Variants in ACOT9 observed in about 807,000 individuals in gnomAD.
ACOT9 encodes acyl-coenzyme A thioesterase 9, mitochondrial.
ACOT9 carries 34 observed loss-of-function variants against 39.7 expected under a neutral mutation model. The ratio of observed to expected loss-of-function variants is 0.86; its 90% CI spans 0.65 to 1.14. ACOT9 has a LOEUF of 1.14. Among genes scored for constraint, ACOT9 ranks in the 50% most tolerant of loss-of-function variants. The pLI is 0.00. For missense variants in ACOT9, 313 were observed against 344.1 expected (o/e 0.91, Z 0.71); for synonymous variants, 110 against 120.5 (o/e 0.91, Z 0.57).
At chrX:23,731,189 C>T (rs777388556) in intron 4 of ACOT9, among the ~76,000 whole-genome samples, 1 of 112,017 alleles carries the variant, frequency 8.9e-6, no homozygotes, top group Non-Finnish European at 1.9e-5. Context: ...TAAAAACATT[C>T]TTAAGGCCAG....
Position 23,722,733 on chromosome X carries a change from T to A in ACOT9, c.421A>T (p.Asn141Tyr). 1 of 1,200,675 alleles carries A rather than the reference T, an allele frequency of 8.3e-7. No homozygotes were observed. The highest frequency in any genetic ancestry group is 1.1e-6 in the Non-Finnish European group (1 of 886,964). The change falls in exon 7 of 16, where the codon AAC becomes TAC. Residue 141 changes from asparagine to tyrosine, a missense_variant. Transcript: ENST00000379303. ...GACATCTTGGCGGAGTGGATTTTGT[T>A]GTGCATGTAACAAATAAGAACTGCA... ...SLGVLICYMHNKIHSAKMSPL... is the reference protein window; with the variant it reads ...SLGVLICYMHYKIHSAKMSPL...
intron 3 of ACOT9, 70 bp from the exon 4 acceptor site, chrX:23,733,287 C>G (rs1169501782): frequency 6.3e-6 from 6 of 954,823 alleles, no homozygotes; most frequent in Non-Finnish European, 8.9e-6. Flanking sequence ...GCAATGAGCT[C>G]AAGAACTACA....
Position 23,722,744 on chromosome X carries a change from C to G in ACOT9, c.410G>C (p.Cys137Ser). ...GGAGTGGATTTTGTTGTGCATGTAA[C>G]AAATAAGAACTGCAGGGAAACAGGA... Reference protein sequence around the residue: ...EDLDSLGVLICYMHNKIHSAK... With the variant: ...EDLDSLGVLISYMHNKIHSAK... Residue 137 changes from cysteine (C) to serine (S), a missense_variant, in exon 7 of 16, where the codon TGT (cysteine) becomes TCT (serine). Coordinates refer to ENST00000379303, the MANE Select transcript of ACOT9 (RefSeq NM_001037171.2). 1 of 1,185,447 alleles carries G rather than the reference C, an allele frequency of 8.4e-7. No homozygotes were observed.
At chrX:23,742,205 T>C (rs868041756) in intron 1 of ACOT9, among the ~76,000 whole-genome samples, 2 of 65,561 alleles carry the variant, frequency 3.1e-5, no homozygotes, top group Non-Finnish European at 5.5e-5. Context: ...CCAGGAACAG[T>C]GAGTGAGTGA....
intron 9 of ACOT9, among the ~76,000 whole-genome samples, chrX:23,711,684 G>A (rs1308555466): frequency 8.9e-6 from 1 of 111,846 alleles, no homozygotes; most frequent in Non-Finnish European, 1.9e-5. Flanking sequence ...GGATGACAAA[G>A]TACACCCCTG....
intron 9 of ACOT9, among the ~76,000 whole-genome samples, chrX:23,711,664 G>A (rs1378114583): frequency 8.9e-6 from 1 of 111,835 alleles, no homozygotes; most frequent in Admixed American, 9.6e-5. Context: ...GGGAAACTCA[G>A]CTATTTGCAG....
intron 7 of ACOT9, 85 bp downstream of exon 7, chrX:23,722,585 T>C: frequency 1.5e-6 from 1 of 646,764 alleles, no homozygotes; most frequent in Non-Finnish European, 2.3e-6. Flanking sequence ...AAAATTCCCA[T>C]AAAAGGAGAG....
At chrX:23,716,928 C>T (rs759684104) in intron 8 of ACOT9, among the ~76,000 whole-genome samples, 1 of 110,805 alleles carries the variant, frequency 9.0e-6, no homozygotes, top group Non-Finnish European at 1.9e-5. Context: ...TATCTCGGCT[C>T]ACTGAAAACT....
intron 9 of ACOT9, among the ~76,000 whole-genome samples, chrX:23,711,350 AG>A (rs893967175): frequency 1.8e-5 from 2 of 112,269 alleles, no homozygotes; most frequent in African/African-American, 6.5e-5. Flanking sequence ...AAAAAAAAAA[AG>A]AAATTTAAAA....
At chrX:23,723,882 G>A (rs1929411408) in intron 6 of ACOT9, among the ~76,000 whole-genome samples, 1 of 112,117 alleles carries the variant, frequency 8.9e-6, no homozygotes, top group Non-Finnish European at 1.9e-5. Context: ...AAAAGACTAT[G>A]AGTTAAGAAG....
At chrX:23,729,332 A>G in intron 6 of ACOT9, among the ~76,000 whole-genome samples, 1 of 111,731 alleles carries the variant, frequency 9.0e-6, no homozygotes, top group East Asian at 2.8e-4. Flanking sequence ...TACACAAAAG[A>G]ACCATGTCAA....
chrX:23,739,583 A>G (rs1357766309), intron 1 of ACOT9, among the ~76,000 whole-genome samples: 2 of 111,486 alleles, frequency 1.8e-5, no homozygotes, highest in Non-Finnish European at 3.8e-5. Context: ...ACGCGGGAGG[A>G]TCACTTGAGA....
Position 23,704,760 on chromosome X carries a change from T to C in ACOT9, c.1192A>G (p.Asn398Asp), listed in dbSNP as rs779621905. Residue 398 changes from asparagine (N) to aspartate (D), a missense_variant, in exon 15 of 16, where the codon AAT becomes GAT. By Grantham distance (23) the Asn-to-Asp change is conservative. Coordinates refer to ENST00000379303, the MANE Select transcript of ACOT9 (RefSeq NM_001037171.2). ...GACATGAACGTGAAATGAAAGACAT[T>C]GGTGGTTGTATGCTGCTTCTCCTGC... ...SLQEKQHTTT[N>D]VFHFTFMSEK... 2 of 1,211,282 alleles carry C rather than the reference T, an allele frequency of 1.7e-6. No individual in the cohort carries two copies. Among genetic ancestry groups the C allele is most frequent in the Non-Finnish European group, 2.2e-6 (2 of 895,005 alleles).
chrX:23,722,135 A>G (rs752161483), intron 7 of ACOT9, 151 bp from the exon 8 acceptor site: 2 of 398,423 alleles, frequency 5.0e-6, no homozygotes, highest in South Asian at 1.1e-4. Flanking sequence ...AGAAATCTAC[A>G]TGTGTTTTTG....
At chrX:23,724,683 G>A (rs1237898994) in intron 6 of ACOT9, among the ~76,000 whole-genome samples, 1 of 111,035 alleles carries the variant, frequency 9.0e-6, no homozygotes, top group Admixed American at 9.7e-5. Flanking sequence ...TAAGATGGGA[G>A]GATGCTTGAG....
At chrX:23,742,848 T>A (rs1045267881) in intron 1 of ACOT9, among the ~76,000 whole-genome samples, 13 of 112,555 alleles carry the variant, frequency 1.2e-4, no homozygotes, top group Non-Finnish European at 2.4e-4. Context: ...CAAAGGAATT[T>A]TAGGGAACAC....
chrX:23,721,127 G>A (rs1181552989), intron 8 of ACOT9, among the ~76,000 whole-genome samples: 1 of 110,328 alleles, frequency 9.1e-6, no homozygotes, highest in African/African-American at 3.3e-5. Flanking sequence ...GTCTCACTCT[G>A]TTGCCCAGGC....
intron 4 of ACOT9, among the ~76,000 whole-genome samples, chrX:23,732,774 T>G (rs1444874579): frequency 9.0e-6 from 1 of 111,250 alleles, no homozygotes. Context: ...AGGAGTCAAG[T>G]TGCATGAAAC....
rs764163420 is a variant in ACOT9, at chrX:23,730,990, A to C, written c.192-4T>G. On this transcript the variant is annotated splice_polypyrimidine_tract_variant and splice_region_variant and intron_variant, in intron 4 of 15. Transcript: ENST00000379303. ...TTCCATTGCCTTCACATGGTCTCTG[A>C]GAAGAAAGGATGCAGGATTCATAAA... 7 of 1,204,846 alleles carry C rather than the reference A, an allele frequency of 5.8e-6. No individual in the cohort carries two copies. Among genetic ancestry groups the C allele is most frequent in the Non-Finnish European group, 7.9e-6 (7 of 891,224 alleles).
Sources: allele counts gnomAD v4.1 joint callset (sites outside exome capture counted in the v4.1 genomes callset), GRCh38; gene constraint gnomAD v4.1.1; transcripts MANE v1.5; gene names NCBI Gene and HGNC (gene_info 2026-07-23, HGNC 2026-07-21).